MEAK7: variants seen among roughly 807,000 people sequenced by gnomAD.
MEAK7 encodes MTOR associated protein MEAK7, also known as MTOR-associated protein MEAK7.
MEAK7 carries 68 observed loss-of-function variants against 40.5 expected under a neutral mutation model. The ratio of observed to expected loss-of-function variants is 1.68; its 90% CI spans 1.38 to 2.06. MEAK7 has a LOEUF of 2.06. Ranked by LOEUF, MEAK7 falls within the 30% of genes most tolerant of loss-of-function variation. The pLI is 0.00. For missense variants in MEAK7, 918 were observed against 580.5 expected (o/e 1.58, Z -5.98); for synonymous variants, 338 against 231.9 (o/e 1.46, Z -4.16).
rs72808616 is a variant in MEAK7, at chr16:84,504,582, C to T, written c.-26+19G>A. On this transcript the variant is annotated intron_variant, in intron 1 of 7. Transcript: ENST00000343629. ...CGCCTCTGGGTCAGCTCACTGCGAA[C>T]CTCAGCCCAGGTACCTACCCTGCCG... 36,551 of 985,710 alleles carry T rather than the reference C, an allele frequency of 0.037. 1,325 individuals are homozygous for T. The highest frequency in any genetic ancestry group is 0.24 in the East Asian group (2,143 of 8,800). 61.1% of individuals were successfully genotyped at this position (985,710 alleles called of 1,614,324 possible). A position where few individuals can be genotyped will look rare whatever the true frequency, so the allele number is the denominator to read the frequency against.
chr16:84,503,813 G>A (rs1426400242), intron 1 of MEAK7: 2 of 498,690 alleles, frequency 4.0e-6, no homozygotes, highest in Non-Finnish European at 5.2e-6. Context: ...GTTCCCACTA[G>A]TATCCTAGGA....
intron 5 of MEAK7, chr16:84,486,229 T>C (rs1477565413): frequency 1.1e-5 from 2 of 186,490 alleles, no homozygotes; most frequent in Non-Finnish European, 2.2e-5. Flanking sequence ...TTCAAGGTCA[T>C]GCACAAAGCT....
intron 1 of MEAK7, among the ~76,000 whole-genome samples, chr16:84,501,837 C>A (rs535702172): frequency 2.0e-5 from 3 of 152,144 alleles, no homozygotes; most frequent in Non-Finnish European, 4.4e-5. Context: ...CTTTGAGAGC[C>A]CCGTGCCAGG....
At chr16:84,492,161 T>G (rs1410431441) in intron 3 of MEAK7, among the ~76,000 whole-genome samples, 2 of 152,150 alleles carry the variant, frequency 1.3e-5, no homozygotes, top group African/African-American at 4.8e-5. Context: ...AGGGCCGATT[T>G]TGAGAGAGAA....
intron 3 of MEAK7, among the ~76,000 whole-genome samples, chr16:84,491,692 C>G (rs394962): frequency 1 from 151,978 of 151,982 alleles, 75,987 homozygotes; most frequent in Middle Eastern, 1. Context: ...CAAAAAATTA[C>G]CTGGGCGTGG....
At chr16:84,486,156 T>A (rs576927040) in intron 5 of MEAK7, 1 of 155,318 alleles carries the variant, frequency 6.4e-6, no homozygotes, top group African/African-American at 2.4e-5. Context: ...AGGACTCTTT[T>A]CATCAGAGTA....
chr16:84,497,537 T>G (rs912261466), intron 2 of MEAK7: 1 of 1,291,714 alleles, frequency 7.7e-7, no homozygotes, highest in Non-Finnish European at 1.0e-6. Flanking sequence ...AGGAGGGACG[T>G]GGTTCAAGAG....
At position 84,495,916 on chromosome 16, in the gene MEAK7, G is replaced by A; in HGVS notation, c.154-3C>T. Reference sequence around the variant, plus strand: ...GGAAGAGCTTCCCCGACGTGGTTCTGCCGGGGACAAGCAGAAAAATATGGT... The same window carrying A: ...GGAAGAGCTTCCCCGACGTGGTTCTACCGGGGACAAGCAGAAAAATATGGT... On this transcript the variant is annotated splice_region_variant and splice_polypyrimidine_tract_variant and intron_variant, in intron 2 of 7. Transcript: ENST00000343629. 6.2e-7 allele frequency: 1 copy of A among 1,613,786 alleles called. No individual in the cohort carries two copies. Among genetic ancestry groups the A allele is most frequent in the Non-Finnish European group, 8.5e-7 (1 of 1,179,996 alleles).
At chr16:84,503,779 A>G (rs1914681160) in intron 1 of MEAK7, among the ~76,000 whole-genome samples, 1 of 151,972 alleles carries the variant, frequency 6.6e-6, no homozygotes, top group Non-Finnish European at 1.5e-5. Flanking sequence ...ACAGGGACCG[A>G]TTGTCTGCAG....
chr16:84,477,145 T>G lies in MEAK7; in HGVS notation c.*2768A>C, dbSNP rs1297136646. ...CCTGGGCTCAAGCAATCGGCCTGCC[T>G]CAAGCTCCCAAAATGCTGGGATTAC... On this transcript the variant is annotated 3_prime_UTR_variant, in exon 8 of 8. Transcript: ENST00000343629. 1 of 152,222 alleles carries G rather than the reference T, an allele frequency of 6.6e-6. No homozygotes were observed. Among genetic ancestry groups the G allele is most frequent in the African/African-American group, 2.4e-5 (1 of 41,334 alleles). 9.4% of individuals were successfully genotyped at this position (152,222 alleles called of 1,614,324 possible).
intron 6 of MEAK7, among the ~76,000 whole-genome samples, chr16:84,481,353 G>C (rs567263856): frequency 3.9e-5 from 6 of 152,242 alleles, no homozygotes; most frequent in Non-Finnish European, 7.3e-5. Context: ...GGCAACCAGA[G>C]ACCCGAGCAC....
intron 2 of MEAK7, among the ~76,000 whole-genome samples, chr16:84,496,237 T>C (rs1425158850): frequency 6.6e-6 from 1 of 152,166 alleles, no homozygotes; most frequent in Non-Finnish European, 1.5e-5. Context: ...GTGCCCTGCA[T>C]TTACTTATTA....
chr16:84,500,662 C>G (rs2150649739), intron 1 of MEAK7, among the ~76,000 whole-genome samples: 1 of 152,286 alleles, frequency 6.6e-6, no homozygotes, highest in African/African-American at 2.4e-5. Context: ...ACCGCTTCCA[C>G]TCCTCACGTT....
intron 3 of MEAK7, 68 bp from the exon 4 acceptor site, chr16:84,489,490 T>C (rs1913386687): frequency 7.3e-6 from 11 of 1,504,570 alleles, no homozygotes; most frequent in East Asian, 2.4e-5. Flanking sequence ...CATGCCCACA[T>C]GGAGAAGGGC....
At chr16:84,482,067 G>C (rs74378981) in intron 6 of MEAK7, among the ~76,000 whole-genome samples, 17 of 152,164 alleles carry the variant, frequency 1.1e-4, no homozygotes, top group African/African-American at 3.9e-4. Flanking sequence ...GCCTGGACCC[G>C]TGCCCACCCA....
Position 84,502,001 on chromosome 16 carries a change from G to A in MEAK7, c.-26+2600C>T, listed in dbSNP as rs973830608. On this transcript the variant is annotated intron_variant, in intron 1 of 7. Coordinates refer to ENST00000343629, the MANE Select transcript of MEAK7 (RefSeq NM_020947.4). The stretch of plus-strand genomic sequence containing the variant: ...CTCTACTAAAAATACAAAATTAACC[G>A]GGTGTGGTGGTGCATGCCTGTAATC... Among the ~76,000 whole-genome samples the A allele has an allele frequency of 2.0e-4, 31 of 152,188 alleles. 1 individual carries two copies. Among genetic ancestry groups the A allele is most frequent in the Middle Eastern group, 6.8e-3 (2 of 294 alleles).
In MEAK7 at chr16:84,480,624, T is replaced by C; in HGVS notation, c.1162A>G (p.Thr388Ala). The C allele has an allele frequency of 6.2e-7, 1 of 1,614,072 alleles. No individual in the cohort carries two copies. The highest frequency in any genetic ancestry group is 8.5e-7 in the Non-Finnish European group (1 of 1,179,980). The change falls in exon 7 of 8, where the codon ACC (threonine) becomes GCC (alanine). Residue 388 changes from threonine to alanine, a missense_variant. Transcript: ENST00000343629. ...GACAGCTGCGGGCTGTTGTACGTGG[T>C]GCACGTGGGCTTGGCTCTGCTGTGT... The part of the protein sequence containing the change: ...KGHSRAKPTC[T>A]TYNSPQLSAQ...
chr16:84,480,129 T>C (rs1242314018), intron 7 of MEAK7, 103 bp from the exon 8 acceptor site: 3 of 959,194 alleles, frequency 3.1e-6, no homozygotes, highest in Non-Finnish European at 4.6e-6. Context: ...CAGGCTCCGG[T>C]TCCCCCTAAG....
intron 1 of MEAK7, among the ~76,000 whole-genome samples, chr16:84,501,491 A>G (rs1914501603): frequency 6.6e-6 from 1 of 152,164 alleles, no homozygotes; most frequent in Non-Finnish European, 1.5e-5. Flanking sequence ...AGCCCTCACC[A>G]ACCCCAGACA....
Sources: allele counts gnomAD v4.1 joint callset (sites outside exome capture counted in the v4.1 genomes callset), GRCh38; gene constraint gnomAD v4.1.1; transcripts MANE v1.5; gene names NCBI Gene and HGNC (gene_info 2026-07-23, HGNC 2026-07-21).